AXDND1: variants seen among roughly 807,000 people sequenced by gnomAD.
AXDND1 encodes axonemal dynein light chain domain containing 1.
In AXDND1, 110 loss-of-function variants were observed where a neutral mutation model predicts 137.5. That is an observed-to-expected ratio of 0.80 (90% CI 0.69 to 0.94). The LOEUF is 0.94. Among genes scored for constraint, AXDND1 ranks in the 40% least tolerant of loss-of-function variants. The probability of loss-of-function intolerance (pLI) is 0.00; values close to 1 mark genes in which losing one functional copy is unlikely to be tolerated. For missense variants in AXDND1, 1,191 were observed against 1,169.8 expected, an observed-to-expected ratio of 1.02 and a Z score of -0.26; for synonymous variants, 414 against 399.7, an observed-to-expected ratio of 1.04 and a Z score of -0.43.
chr1:179,493,077 T>C, intron 20 of AXDND1, 126 bp downstream of exon 20: 1 of 603,816 alleles, frequency 1.7e-6, no homozygotes, highest in Non-Finnish European at 2.8e-6. Flanking sequence ...TTCTAAAATA[T>C]GCATATACTC....
At chr1:179,490,692 C>A (rs1391734976) in intron 18 of AXDND1, among the ~76,000 whole-genome samples, 1 of 151,930 alleles carries the variant, frequency 6.6e-6, no homozygotes, top group Non-Finnish European at 1.5e-5. Context: ...TACAGCTTCT[C>A]TGACCTTGGA....
intron 12 of AXDND1, among the ~76,000 whole-genome samples, chr1:179,427,955 A>G (rs1399724696): frequency 2.8e-5 from 1 of 35,506 alleles, no homozygotes; most frequent in Admixed American, 2.3e-4. Flanking sequence ...AATCCATGTA[A>G]AAAAAAAAAA....
At chr1:179,445,349 A>T (rs975698449) in intron 16 of AXDND1, 145 bp downstream of exon 16, 2 of 599,634 alleles carry the variant, frequency 3.3e-6, no homozygotes. Flanking sequence ...ATTGAGCATC[A>T]CTTTGAGATA....
chr1:179,493,961 AT>A (rs201283624), intron 20 of AXDND1, among the ~76,000 whole-genome samples: 1 of 151,878 alleles, frequency 6.6e-6, no homozygotes, highest in East Asian at 1.9e-4. Flanking sequence ...TCTTTTTAAA[AT>A]TTTTTTTGAG....
At position 179,538,791 on chromosome 1, in the gene AXDND1, G is replaced by A. The variant is rs576056495; in HGVS notation, c.3031+3829G>A. ...TGATCTGTCTCATATTAACAGTGGG[G>A]TGTTAAAGTCTCCCACTATTATTGT... On this transcript the variant is annotated intron_variant, in intron 25 of 25. Transcript: ENST00000367618. 4.0e-5 allele frequency among the ~76,000 whole-genome samples: 6 copies of A among 151,654 alleles called. No individual in the cohort carries two copies. The South Asian group carries it at 1.2e-3, about 32-fold the overall frequency.
chr1:179,369,501 A>C (rs1667814257), intron 3 of AXDND1, among the ~76,000 whole-genome samples: 1 of 152,118 alleles, frequency 6.6e-6, no homozygotes, highest in African/African-American at 2.4e-5. Context: ...AAAATACAAA[A>C]ATTAGCTGGG....
intron 21 of AXDND1, among the ~76,000 whole-genome samples, chr1:179,519,272 T>C (rs1178954889): frequency 6.6e-6 from 1 of 152,214 alleles, no homozygotes; most frequent in Non-Finnish European, 1.5e-5. Context: ...TCCTCATAGA[T>C]GTTGGATATT....
chr1:179,398,327 G>A (rs944667214), intron 11 of AXDND1, among the ~76,000 whole-genome samples: 1 of 152,174 alleles, frequency 6.6e-6, no homozygotes, highest in Non-Finnish European at 1.5e-5. Flanking sequence ...GACCAGCTTT[G>A]TTCTCTGCTC....
chr1:179,390,770 G>A lies in AXDND1; in HGVS notation c.864-3133G>A, dbSNP rs553784269. On this transcript the variant is annotated intron_variant, in intron 9 of 25. Coordinates refer to ENST00000367618, the MANE Select transcript of AXDND1 (RefSeq NM_144696.6). ...GATTCCTTTTTTTTTCTTTTTTAAT[G>A]AAGCCACAGCATTCTGCTTCTGTGC... Among the ~76,000 whole-genome samples the A allele has an allele frequency of 2.0e-5, 3 of 151,034 alleles. No homozygotes were observed. In the East Asian group the frequency reaches 5.8e-4, roughly 29 times the overall value.
chr1:179,550,276 T>G (rs1673073696), intron 25 of AXDND1, among the ~76,000 whole-genome samples: 1 of 152,208 alleles, frequency 6.6e-6, no homozygotes, highest in South Asian at 2.1e-4. Context: ...ATAATGCAAA[T>G]TAATGGAAAA....
chr1:179,526,576 C>G (rs1234673821), intron 22 of AXDND1, among the ~76,000 whole-genome samples: 1 of 152,196 alleles, frequency 6.6e-6, no homozygotes, highest in African/African-American at 2.4e-5. Context: ...TCTTGATTTA[C>G]TTCTTTGATA....
At chr1:179,460,205 A>G (rs1428904315) in intron 16 of AXDND1, among the ~76,000 whole-genome samples, 1 of 151,468 alleles carries the variant, frequency 6.6e-6, no homozygotes, top group East Asian at 1.9e-4. Context: ...CCCCCACCCC[A>G]CGACAGGCCT....
At chr1:179,489,130 A>C (rs866730758) in intron 18 of AXDND1, among the ~76,000 whole-genome samples, 1 of 125,772 alleles carries the variant, frequency 8.0e-6, no homozygotes, top group Non-Finnish European at 1.7e-5. Context: ...ACAAAAGAAA[A>C]GCAGTCAATT....
At chr1:179,397,763 A>C (rs545176905) in intron 11 of AXDND1, among the ~76,000 whole-genome samples, 1 of 152,198 alleles carries the variant, frequency 6.6e-6, no homozygotes, top group East Asian at 1.9e-4. Context: ...TTCTTTCTTC[A>C]ACTTGGTTTA....
rs1489979573 is a variant in AXDND1 at position 179,534,920 on chromosome 1, G to C, written c.2989G>C (p.Glu997Gln). 6.2e-7 allele frequency: 1 copy of C among 1,608,632 alleles called. No individual in the cohort carries two copies. Among genetic ancestry groups the C allele is most frequent in the African/African-American group, 1.3e-5 (1 of 74,638 alleles). ...AGAAGAAGAACAACAAGAAGAAGAA[G>C]AAGTCAGGTCAGCAGAAAATTCCTC... Reference protein sequence around the residue: ...KEEEEQQEEEEVRSAENSSKS... With the variant: ...KEEEEQQEEEQVRSAENSSKS... The change falls in exon 25 of 26, where the codon GAA becomes CAA. Residue 997 changes from glutamate to glutamine, a missense_variant. Coordinates refer to ENST00000367618, the MANE Select transcript of AXDND1 (RefSeq NM_144696.6).
At chr1:179,504,961 T>C (rs1468990937) in intron 20 of AXDND1, among the ~76,000 whole-genome samples, 1 of 152,200 alleles carries the variant, frequency 6.6e-6, no homozygotes, top group Non-Finnish European at 1.5e-5. Context: ...CAAGCGAGTT[T>C]ATGGTAAGGG....
Position 179,533,835 on chromosome 1 carries a change from T to C in AXDND1, c.2756T>C (p.Leu919Pro). The C allele has an allele frequency of 6.2e-7, 1 of 1,613,372 alleles. No homozygotes were observed. The highest frequency in any genetic ancestry group is 8.5e-7 in the Non-Finnish European group (1 of 1,179,474). The change falls in exon 24 of 26, where the codon CTT becomes CCT. Residue 919 changes from leucine (L) to proline (P), a missense_variant. Transcript: ENST00000367618. The part of the protein sequence containing the change: ...AKQGTLAQKY[L>P]EAMAVIEHMQ... ...CAAGGTACATTGGCCCAAAAATATC[T>C]TGAAGCAATGGCTGTAATTGAACAT...
chr1:179,382,825 C>T (rs767144672), intron 7 of AXDND1, 69 bp downstream of exon 7: 8 of 1,203,222 alleles, frequency 6.6e-6, no homozygotes, highest in Non-Finnish European at 9.5e-6. Flanking sequence ...TTTCTTGGTA[C>T]TTTATTAAAC....
chr1:179,374,212 A>T (rs967647776), intron 4 of AXDND1, among the ~76,000 whole-genome samples: 5 of 152,248 alleles, frequency 3.3e-5, no homozygotes, highest in Non-Finnish European at 7.3e-5. Flanking sequence ...CAGCCAACAG[A>T]CACATGAAAA....
Sources: allele counts gnomAD v4.1 joint callset (sites outside exome capture counted in the v4.1 genomes callset), GRCh38; gene constraint gnomAD v4.1.1; transcripts MANE v1.5; gene names NCBI Gene and HGNC (gene_info 2026-07-23, HGNC 2026-07-21).